SEH1L: variants seen among roughly 807,000 people sequenced by gnomAD.
SEH1L encodes nucleoporin SEH1.
SEH1L carries 18 observed loss-of-function variants against 49.5 expected under a neutral mutation model. That is an observed-to-expected ratio of 0.36 (90% CI 0.25 to 0.54). The LOEUF is 0.54. Among genes scored for constraint, SEH1L ranks in the 20% least tolerant of loss-of-function variants. The pLI is 0.87. For synonymous variants in SEH1L, 169 were observed against 178.1 expected, an observed-to-expected ratio of 0.95 and a Z score of 0.41; for missense variants, 404 against 528.8, an observed-to-expected ratio of 0.76 and a Z score of 2.31.
chr18:12,967,097 A>G (rs894555187), intron 4 of SEH1L, among the ~76,000 whole-genome samples: 1 of 152,250 alleles, frequency 6.6e-6, no homozygotes, highest in Non-Finnish European at 1.5e-5. Flanking sequence ...GCTGAATTAC[A>G]GTCAATTATC....
At chr18:12,980,560 C>T (rs1175710907) in intron 6 of SEH1L, among the ~76,000 whole-genome samples, 9 of 86,444 alleles carry the variant, frequency 1.0e-4, no homozygotes, top group Non-Finnish European at 1.9e-4. Context: ...GCTGGCCGGG[C>T]GGGGGGCTGA....
intron 4 of SEH1L, 59 bp from the exon 5 acceptor site, chr18:12,971,094 C>A: frequency 8.2e-7 from 1 of 1,223,984 alleles, no homozygotes; most frequent in South Asian, 1.2e-5. Context: ...TGTGTTCATT[C>A]TGTGAATGAA....
At chr18:12,948,760 C>G (rs1411763120) in intron 1 of SEH1L, 3 of 152,532 alleles carry the variant, frequency 2.0e-5, no homozygotes, top group African/African-American at 7.2e-5. Flanking sequence ...CCAATGATTT[C>G]CCTGCTTGCT....
chr18:12,950,476 ATATT>A (rs1353735398), intron 1 of SEH1L, among the ~76,000 whole-genome samples: 1 of 152,086 alleles, frequency 6.6e-6, no homozygotes, highest in African/African-American at 2.4e-5. Context: ...TAATGTGTTA[ATATT>A]TATTGATTTC....
chr18:12,973,760 T>TG (rs1477315979), intron 5 of SEH1L: 4 of 152,264 alleles, frequency 2.6e-5, no homozygotes, highest in Non-Finnish European at 5.9e-5. Context: ...GGAGCAGTTC[T>TG]GGGGTTAGGT....
intron 3 of SEH1L, among the ~76,000 whole-genome samples, chr18:12,958,535 C>T (rs988424301): frequency 2.6e-5 from 4 of 152,170 alleles, no homozygotes; most frequent in African/African-American, 9.7e-5. Context: ...TTCCTCCTCC[C>T]TCTACCCCCT....
intron 3 of SEH1L, among the ~76,000 whole-genome samples, chr18:12,958,064 CTTTTTTTTTTTTTTTTTTTTT>C (rs57733399): frequency 1.6e-4 from 10 of 62,036 alleles, no homozygotes; most frequent in South Asian, 7.8e-4. Flanking sequence ...CTCATTTTAA[CTTTTTTTTTTTTTTTTTTTTT>C]TTTTTTTTTT....
intron 5 of SEH1L, among the ~76,000 whole-genome samples, chr18:12,974,823 C>G (rs1000166883): frequency 3.9e-5 from 6 of 152,116 alleles, no homozygotes; most frequent in African/African-American, 1.4e-4. Context: ...CACTGTTTTA[C>G]AAATGAGAAA....
intron 3 of SEH1L, among the ~76,000 whole-genome samples, chr18:12,962,241 T>C (rs1568215325): frequency 6.6e-6 from 1 of 151,260 alleles, no homozygotes; most frequent in Middle Eastern, 3.4e-3. Flanking sequence ...TCTATAAAAA[T>C]AAGAAAAATT....
chr18:12,966,136 A>G (rs1355259568), intron 4 of SEH1L, among the ~76,000 whole-genome samples: 5 of 146,150 alleles, frequency 3.4e-5, no homozygotes, highest in Non-Finnish European at 6.0e-5. Flanking sequence ...TCTGTCACCC[A>G]GGCTGGAGTG....
At chr18:12,961,583 T>C (rs974155994) in intron 3 of SEH1L, among the ~76,000 whole-genome samples, 2 of 152,262 alleles carry the variant, frequency 1.3e-5, no homozygotes, top group African/African-American at 4.8e-5. Context: ...TTGAAGTTTA[T>C]GTAATATTAT....
Position 12,948,184 on chromosome 18 carries a change from C to T in SEH1L, c.63C>T (p.Asp21=), listed in dbSNP as rs377246665. The T allele has an allele frequency of 1.9e-6, 3 of 1,612,002 alleles. No individual in the cohort carries two copies. In the African/African-American group the frequency reaches 4.0e-5, roughly 22 times the overall value. ...ATCTCATCCACGATGTCTCTTTCGA[C>T]TTCCACGGGCGGCGGATGGCAACCT... is the stretch of plus-strand genomic sequence containing the variant. ...HKDLIHDVSF[D]FHGRRMATCS... Residue 21 remains aspartate, a synonymous_variant, in exon 1 of 9, where the codon GAC becomes GAT. Coordinates refer to ENST00000399892, the MANE Select transcript of SEH1L (RefSeq NM_001013437.2).
At chr18:12,976,292 C>T (rs2031914529) in intron 5 of SEH1L, 2 of 152,238 alleles carry the variant, frequency 1.3e-5, no homozygotes, top group African/African-American at 4.8e-5. Flanking sequence ...GCAGGCGTCA[C>T]AGGCTTGTGT....
intron 8 of SEH1L, 71 bp downstream of exon 8, chr18:12,984,261 G>C: frequency 6.8e-7 from 1 of 1,462,844 alleles, no homozygotes; most frequent in African/African-American, 1.4e-5. Flanking sequence ...ACTTAAGGTG[G>C]ATTATTTCAT....
chr18:12,961,279 A>G (rs1390547436), intron 3 of SEH1L, among the ~76,000 whole-genome samples: 2 of 151,972 alleles, frequency 1.3e-5, no homozygotes, highest in Admixed American at 6.6e-5. Flanking sequence ...CAGTCATCCA[A>G]CTCCTCAGAT....
At chr18:12,949,704 C>A (rs1036491386) in intron 1 of SEH1L, among the ~76,000 whole-genome samples, 5 of 152,068 alleles carry the variant, frequency 3.3e-5, no homozygotes, top group African/African-American at 1.2e-4. Flanking sequence ...CCGCCCACCT[C>A]GGCCTCCCAA....
Position 12,953,790 on chromosome 18 carries a change from A to G in SEH1L, c.163-1673A>G, listed in dbSNP as rs11663762. 9.4e-3 allele frequency among the ~76,000 whole-genome samples: 1,426 copies of G among 152,304 alleles called. 15 individuals are homozygous for G. The highest frequency in any genetic ancestry group is 0.012 in the Non-Finnish European group (797 of 68,018). The stretch of plus-strand genomic sequence containing the variant: ...AGTTCTAAAACATTTTTATTATTCC[A>G]AAAGGAAACCCCATCTCTTGCTTTT... On this transcript the variant is annotated intron_variant, in intron 2 of 8. Coordinates refer to ENST00000399892, the MANE Select transcript of SEH1L (RefSeq NM_001013437.2).
At chr18:12,957,107 TGTG>T (rs2030911450) in intron 3 of SEH1L, among the ~76,000 whole-genome samples, 1 of 151,914 alleles carries the variant, frequency 6.6e-6, no homozygotes, top group South Asian at 2.1e-4. Flanking sequence ...TCTTTTGTTT[TGTG>T]GTTACTTTTG....
intron 6 of SEH1L, among the ~76,000 whole-genome samples, chr18:12,979,284 T>G (rs1471897783): frequency 7.7e-4 from 115 of 150,250 alleles, no homozygotes; most frequent in African/African-American, 2.8e-3. Context: ...ACGAGCATGC[T>G]GCCTTCAAGC....
Sources: allele counts gnomAD v4.1 joint callset (sites outside exome capture counted in the v4.1 genomes callset), GRCh38; gene constraint gnomAD v4.1.1; transcripts MANE v1.5; gene names NCBI Gene and HGNC (gene_info 2026-07-23, HGNC 2026-07-21).